DCX: variants seen among roughly 807,000 people sequenced by gnomAD.
DCX encodes the protein doublecortin, also known as neuronal migration protein doublecortin.
A neutral mutation model predicts 20.9 loss-of-function variants in DCX; 4 were observed. The observed-to-expected ratio is 0.19, with a 90% confidence interval of 0.09 to 0.44. The LOEUF is 0.44. Ranked by LOEUF, DCX falls within the 20% of genes least tolerant of loss-of-function variation. The pLI is 0.99. For synonymous variants in DCX, 103 were observed against 111.4 expected (o/e 0.92, Z 0.47); for missense variants, 133 against 296.9 (o/e 0.45, Z 4.06).
intron 3 of DCX, among the ~76,000 whole-genome samples, chrX:111,386,031 T>C (rs1369403095): frequency 1.8e-5 from 2 of 111,933 alleles, no homozygotes; most frequent in Non-Finnish European, 3.8e-5. Context: ...GTGTGTTACA[T>C]ACACAAACTA....
At chrX:111,337,258 G>T (rs1330103790) in intron 3 of DCX, among the ~76,000 whole-genome samples, 1 of 111,663 alleles carries the variant, frequency 9.0e-6, no homozygotes, top group African/African-American at 3.3e-5. Flanking sequence ...AATCATACTT[G>T]GATTTTTAAG....
chrX:111,349,424 C>T (rs1018606264), intron 3 of DCX, among the ~76,000 whole-genome samples: 5 of 111,630 alleles, frequency 4.5e-5, no homozygotes, highest in Non-Finnish European at 7.5e-5. Flanking sequence ...AACTGATTTA[C>T]GGCAAACCAA....
chrX:111,402,768 G>T (rs1190572651), intron 2 of DCX, among the ~76,000 whole-genome samples: 1 of 107,262 alleles, frequency 9.3e-6, no homozygotes, highest in African/African-American at 3.6e-5. Context: ...GTGTATGTGT[G>T]TGTGTGTGTG....
chrX:111,304,891 T>C (rs1156451970), intron 6 of DCX, among the ~76,000 whole-genome samples: 2 of 111,478 alleles, frequency 1.8e-5, no homozygotes, highest in East Asian at 5.7e-4. Context: ...AGAAGCGAGA[T>C]GGCCCTAATC....
intron 3 of DCX, among the ~76,000 whole-genome samples, chrX:111,395,514 C>A (rs1280948916): frequency 1.8e-5 from 2 of 112,208 alleles, no homozygotes; most frequent in African/African-American, 6.5e-5. Context: ...TCCAGAAGGG[C>A]AGTATATTTG....
rs1253158482 is a variant in DCX, at chrX:111,295,365, GAA to G, written c.*6320_*6321del. ...AGTAAATGTTTAGGTGACTCAGAAG[GAA>G]AAAATACATGTCAATTAAGCAAATG... On this transcript the variant is annotated 3_prime_UTR_variant, in exon 7 of 7. Coordinates refer to ENST00000636035, the MANE Select transcript of DCX (RefSeq NM_001195553.2). 9.0e-6 allele frequency: 1 copy of G among 111,647 alleles called. No individual in the cohort carries two copies. The highest frequency in any genetic ancestry group is 2.8e-4 in the East Asian group (1 of 3,555). The allele number at this position is 111,647 out of a possible 1,213,427, so 9.2% of individuals were successfully genotyped here. A position where few individuals can be genotyped will look rare whatever the true frequency, so the allele number is the denominator to read the frequency against.
chrX:111,384,140 C>T (rs1926192917), intron 3 of DCX, among the ~76,000 whole-genome samples: 2 of 111,455 alleles, frequency 1.8e-5, no homozygotes, highest in South Asian at 7.5e-4. Context: ...TGGTTATTAA[C>T]CCTGACTTTA....
At chrX:111,407,166 C>T (rs1004239491) in intron 2 of DCX, among the ~76,000 whole-genome samples, 2 of 111,619 alleles carry the variant, frequency 1.8e-5, no homozygotes, top group African/African-American at 6.5e-5. Flanking sequence ...AGCCATTATT[C>T]CCACTTTACA....
intron 3 of DCX, among the ~76,000 whole-genome samples, chrX:111,357,050 T>C (rs939907968): frequency 4.5e-5 from 5 of 112,286 alleles, no homozygotes; most frequent in Admixed American, 1.9e-4. Context: ...TATTTAATAA[T>C]TGTAAGTTTT....
chrX:111,410,823 A>C, intron 1 of DCX: 1 of 1,211,413 alleles, frequency 8.3e-7, no homozygotes, highest in Non-Finnish European at 1.1e-6. Flanking sequence ...TTCCTCACAC[A>C]TGCCCACATG....
intron 3 of DCX, among the ~76,000 whole-genome samples, chrX:111,358,955 T>C (rs1447395994): frequency 8.9e-6 from 1 of 112,230 alleles, no homozygotes; most frequent in Non-Finnish European, 1.9e-5. Context: ...GAAGATATTT[T>C]AATTTTTGAA....
chrX:111,399,777 T>C (rs1476813287), intron 3 of DCX, among the ~76,000 whole-genome samples: 1 of 111,816 alleles, frequency 8.9e-6, no homozygotes, highest in Non-Finnish European at 1.9e-5. Flanking sequence ...TTGGAGATTT[T>C]CCCAACATCA....
intron 1 of DCX, chrX:111,410,989 T>G: frequency 8.6e-7 from 1 of 1,164,651 alleles, no homozygotes; most frequent in East Asian, 3.0e-5. Flanking sequence ...TTCCAAGCCC[T>G]CTTTCCTACT....
chrX:111,331,070 T>C, intron 4 of DCX, 29 bp from the exon 5 acceptor site: 1 of 1,207,977 alleles, frequency 8.3e-7, no homozygotes. Context: ...GACAGCTTAG[T>C]AGAGGATAAA....
At chrX:111,335,285 C>T (rs914949977) in intron 3 of DCX, among the ~76,000 whole-genome samples, 22 of 112,011 alleles carry the variant, frequency 2.0e-4, no homozygotes, top group African/African-American at 6.8e-4. Context: ...TTCTCCCCAC[C>T]GGATCACAGG....
Position 111,410,040 on chromosome X carries a change from T to C in DCX, c.359A>G (p.Glu120Gly). The C allele has an allele frequency of 1.7e-6, 2 of 1,211,604 alleles. No individual in the cohort carries two copies. The highest frequency in any genetic ancestry group is 2.2e-6 in the Non-Finnish European group (2 of 895,453). Residue 120 changes from glutamate to glycine, a missense_variant, in exon 2 of 7, where the codon GAG (glutamate) becomes GGG (glycine). By Grantham distance (98) the Glu-to-Gly change is moderately conservative (BLOSUM62 -2). Around this residue, in one of 2 missense-constraint regions of DCX, gnomAD observed 65 missense variants for 212.6 expected, o/e 0.31. Coordinates refer to ENST00000636035, the MANE Select transcript of DCX (RefSeq NM_001195553.2). ...CCACCCACTATTTAAATTACCTTCCTCCAGTTCATCCATGCTTCCGATCTT... is the reference window on the plus strand; with the variant it reads ...CCACCCACTATTTAAATTACCTTCCCCCAGTTCATCCATGCTTCCGATCTT... ...SRKIGSMDEL[E>G]EGESYVCSSD...
chrX:111,338,869 C>A (rs1416118023), intron 3 of DCX, among the ~76,000 whole-genome samples: 5 of 111,533 alleles, frequency 4.5e-5, no homozygotes, highest in Non-Finnish European at 3.8e-5. Context: ...CTCCTCTCAA[C>A]TCAATCCGAT....
intron 3 of DCX, among the ~76,000 whole-genome samples, chrX:111,338,425 A>C (rs1921922866): frequency 9.0e-6 from 1 of 111,665 alleles, no homozygotes; most frequent in South Asian, 3.8e-4. Context: ...GAGTTAATAA[A>C]ATCTCAGTAA....
chrX:111,345,671 T>C (rs1459803222), intron 3 of DCX, among the ~76,000 whole-genome samples: 1 of 111,419 alleles, frequency 9.0e-6, no homozygotes, highest in Non-Finnish European at 1.9e-5. Context: ...ATTAGAGAAA[T>C]GCAAATCAAA....
Sources: allele counts gnomAD v4.1 joint callset (sites outside exome capture counted in the v4.1 genomes callset), GRCh38; gene constraint gnomAD v4.1.1; regional missense constraint gnomAD v4.1.1; transcripts MANE v1.5; gene names NCBI Gene and HGNC (gene_info 2026-07-23, HGNC 2026-07-21).